The following MYO5A variants were observed in gnomAD, a reference collection of about 807,000 sequenced individuals.
MYO5A encodes myosin VA.
In MYO5A, 98 loss-of-function variants were observed where a neutral mutation model predicts 249.7. The observed-to-expected ratio is 0.39, with a 90% CI of 0.33 to 0.46. MYO5A has a LOEUF of 0.46. MYO5A is among the 20% of genes least tolerant of loss of function. The pLI is 0.98. For synonymous variants in MYO5A, 778 were observed against 810.6 expected (o/e 0.96, Z 0.68); for missense variants, 1,696 against 2,308.8 (o/e 0.73, Z 5.44).
chr15:52,444,148 G>C (rs2075841383), intron 1 of MYO5A, among the ~76,000 whole-genome samples: 1 of 152,330 alleles, frequency 6.6e-6, no homozygotes, highest in South Asian at 2.1e-4. Context: ...TATGTGAGAT[G>C]ACAGAGCTTT....
chr15:52,367,016 G>A lies in MYO5A; in HGVS notation c.3160+15C>T, dbSNP rs749311444. ...TGTGAGGTTGGTTGGCGTGTAGTAC[G>A]CATATAAGCTTTACCTGTCATCTCC... On this transcript the variant is annotated intron_variant, in intron 23 of 41. Coordinates refer to ENST00000399233, the MANE Select transcript of MYO5A (RefSeq NM_001382347.1). 5.0e-6 allele frequency: 8 copies of A among 1,605,208 alleles called. No homozygotes were observed. The highest frequency in any genetic ancestry group is 2.2e-5 in the East Asian group (1 of 44,806).
At position 52,411,575 on chromosome 15, in the gene MYO5A, A is replaced by G. The variant is rs573185542; in HGVS notation, c.613-1099T>C. 2.1e-3 allele frequency among the ~76,000 whole-genome samples: 322 copies of G among 152,294 alleles called. 1 individual carries two copies. Among genetic ancestry groups the G allele is most frequent in the Non-Finnish European group, 3.2e-3 (218 of 68,008 alleles). On this transcript the variant is annotated intron_variant, in intron 5 of 41. Coordinates refer to ENST00000399233, the MANE Select transcript of MYO5A (RefSeq NM_001382347.1). ...GATGTAGTTAGAAAACCAAGTGTTTACATAATGCATATATTAAATGTTTAA... is the reference window on the plus strand; with the variant it reads ...GATGTAGTTAGAAAACCAAGTGTTTGCATAATGCATATATTAAATGTTTAA...
intron 5 of MYO5A, chr15:52,415,944 T>A: frequency 1.5e-6 from 1 of 648,426 alleles, no homozygotes; most frequent in South Asian, 2.0e-5. Context: ...CAGATTCCGC[T>A]ATAGCTGGGC....
chr15:52,368,942 G>A (rs1050476453), intron 22 of MYO5A, among the ~76,000 whole-genome samples: 1 of 152,206 alleles, frequency 6.6e-6, no homozygotes, highest in Admixed American at 6.5e-5. Flanking sequence ...AGCTTCCGTG[G>A]TTTGGGGAGA....
At chr15:52,316,429 A>G (rs887093616) in intron 40 of MYO5A, among the ~76,000 whole-genome samples, 1 of 152,140 alleles carries the variant, frequency 6.6e-6, no homozygotes, top group Admixed American at 6.5e-5. Context: ...GAATACTGCT[A>G]TCTTCCCTCA....
Position 52,413,744 on chromosome 15 carries a change from G to A in MYO5A, c.612+2401C>T, listed in dbSNP as rs531846078. ...CTTTCAAATTGAGATGCCCTTTTTT[G>A]TAGTTATTGAAAATTAGTTCAACTC... On this transcript the variant is annotated intron_variant, in intron 5 of 41. Transcript: ENST00000399233. 2.0e-5 allele frequency among the ~76,000 whole-genome samples: 3 copies of A among 152,046 alleles called. No homozygotes were observed. The South Asian group carries it at 6.2e-4, about 32-fold the overall frequency.
intron 1 of MYO5A, among the ~76,000 whole-genome samples, chr15:52,433,565 C>A (rs578018390): frequency 6.6e-6 from 1 of 151,436 alleles, no homozygotes. Context: ...GAATTACAGG[C>A]GCCTGCCACC....
At chr15:52,505,270 T>TA (rs751555603) in intron 1 of MYO5A, 41 of 776,070 alleles carry the variant, frequency 5.3e-5, no homozygotes, top group Non-Finnish European at 8.9e-5. Flanking sequence ...CATCAAGGGG[T>TA]ATGTGCCATC....
At chr15:52,372,899 CA>C (rs1200852155) in intron 20 of MYO5A, among the ~76,000 whole-genome samples, 1 of 151,900 alleles carries the variant, frequency 6.6e-6, no homozygotes. Flanking sequence ...GTATGGGCAG[CA>C]AACTGTCTGT....
intron 2 of MYO5A, among the ~76,000 whole-genome samples, chr15:52,429,692 A>C (rs1042808049): frequency 2.6e-4 from 19 of 73,966 alleles, no homozygotes; most frequent in Non-Finnish European, 6.5e-4. Context: ...CCATCTCAAA[A>C]AAAAACAAAA....
chr15:52,354,036 G>T (rs1265745822), intron 25 of MYO5A, 22 bp from the exon 26 acceptor site: 1 of 1,614,006 alleles, frequency 6.2e-7, no homozygotes, highest in Non-Finnish European at 8.5e-7. Context: ...GAATCACAAA[G>T]ATGGTCAAGA....
intron 2 of MYO5A, among the ~76,000 whole-genome samples, chr15:52,431,684 T>TA (rs56264450): frequency 0.15 from 20,847 of 140,462 alleles, 1,597 homozygotes; most frequent in Middle Eastern, 0.22. Flanking sequence ...GTGCTATATC[T>TA]AAAAAAAAAA....
intron 40 of MYO5A, among the ~76,000 whole-genome samples, chr15:52,316,234 A>C (rs1305094267): frequency 2.2e-4 from 6 of 26,728 alleles, no homozygotes; most frequent in Non-Finnish European, 5.6e-4. Context: ...ACTCCGTCAC[A>C]AAAAAAAAAA....
Position 52,407,330 on chromosome 15 carries a change from T to C in MYO5A, c.908A>G (p.Lys303Arg). 2.5e-6 allele frequency: 4 copies of C among 1,613,758 alleles called. No homozygotes were observed. The highest frequency in any genetic ancestry group is 3.4e-6 in the Non-Finnish European group (4 of 1,179,654). The change falls in exon 8 of 42, where the codon AAG becomes AGG. Residue 303 changes from lysine to arginine, a missense_variant. Transcript: ENST00000399233. The stretch of plus-strand genomic sequence containing the variant: ...GGCCTGCCTAGTATGTGCCATCTCC[T>C]TTGCATCATCCACTCCTTCAATCAC... Reference protein sequence around the residue: ...SPVIEGVDDAKEMAHTRQACT... With the variant: ...SPVIEGVDDAREMAHTRQACT...
chr15:52,355,199 G>A (rs1196310262), intron 25 of MYO5A, among the ~76,000 whole-genome samples: 1 of 152,164 alleles, frequency 6.6e-6, no homozygotes, highest in Non-Finnish European at 1.5e-5. Context: ...AGATCACACA[G>A]AGAAAACTGA....
chr15:52,527,078 T>A (rs1163781613), intron 1 of MYO5A, among the ~76,000 whole-genome samples: 1 of 152,130 alleles, frequency 6.6e-6, no homozygotes, highest in Non-Finnish European at 1.5e-5. Flanking sequence ...TGAATTTGTG[T>A]TGGGGCACAT....
intron 1 of MYO5A, among the ~76,000 whole-genome samples, chr15:52,499,947 A>C (rs2077119687): frequency 6.6e-6 from 1 of 152,138 alleles, no homozygotes; most frequent in African/African-American, 2.4e-5. Context: ...CTTTGGGAGA[A>C]CAAGGCAGGG....
intron 8 of MYO5A, among the ~76,000 whole-genome samples, chr15:52,406,824 C>T (rs1488255013): frequency 1.3e-5 from 2 of 152,134 alleles, no homozygotes; most frequent in Non-Finnish European, 2.9e-5. Context: ...ATGATGCCAA[C>T]TCAGCCACAT....
At chr15:52,494,900 CT>C (rs1425815860) in intron 1 of MYO5A, among the ~76,000 whole-genome samples, 1 of 152,170 alleles carries the variant, frequency 6.6e-6, no homozygotes, top group African/African-American at 2.4e-5. Context: ...GCAAGAACAG[CT>C]ATTGCATAGA....
Sources: gnomAD v4.1 joint callset for allele counts (sites outside exome capture counted in the v4.1 genomes callset) on GRCh38, gnomAD v4.1.1 for gene constraint, MANE v1.5 for transcripts, NCBI Gene and HGNC (gene_info 2026-07-23, HGNC 2026-07-21) for gene names.